KIF6: variants seen among roughly 807,000 people sequenced by gnomAD.
KIF6 encodes kinesin family member 6, also known as kinesin-like protein KIF6.
KIF6 carries 106 observed loss-of-function variants against 112.7 expected under a neutral mutation model. The ratio of observed to expected loss-of-function variants is 0.94; its 90% CI spans 0.80 to 1.11. The LOEUF is 1.11. KIF6 is among the 50% of genes least tolerant of loss of function. The probability of loss-of-function intolerance (pLI) is 0.00; values close to 1 mark genes in which losing one functional copy is unlikely to be tolerated. For missense variants in KIF6, 929 were observed against 964.0 expected (o/e 0.96, Z 0.48); for synonymous variants, 339 against 339.9 (o/e 1.00, Z 0.03).
intron 1 of KIF6, among the ~76,000 whole-genome samples, chr6:39,721,319 C>T (rs1453993560): frequency 2.0e-5 from 3 of 152,144 alleles, no homozygotes; most frequent in African/African-American, 7.2e-5. Flanking sequence ...CATTTTCAGG[C>T]ATTTGATAAG....
chr6:39,507,381 A>G (rs1243325368), intron 13 of KIF6, among the ~76,000 whole-genome samples: 1 of 152,270 alleles, frequency 6.6e-6, no homozygotes, highest in East Asian at 1.9e-4. Flanking sequence ...GGATAGAAGG[A>G]GATGACAAAA....
chr6:39,672,569 A>G (rs56130116), intron 3 of KIF6, among the ~76,000 whole-genome samples: 11,048 of 152,280 alleles, frequency 0.073, 539 homozygotes, highest in South Asian at 0.18. Context: ...CCATAACAAA[A>G]TACCAAAGAC....
chr6:39,700,084 C>A (rs1788793251), intron 3 of KIF6, among the ~76,000 whole-genome samples: 1 of 152,208 alleles, frequency 6.6e-6, no homozygotes, highest in Non-Finnish European at 1.5e-5. Flanking sequence ...CCATGCAATG[C>A]ATAATGATCA....
At chr6:39,565,398 T>G (rs1780228877) in intron 10 of KIF6, among the ~76,000 whole-genome samples, 1 of 152,220 alleles carries the variant, frequency 6.6e-6, no homozygotes, top group African/African-American at 2.4e-5. Flanking sequence ...GTACTGCTGG[T>G]GCTCAATAAT....
intron 13 of KIF6, among the ~76,000 whole-genome samples, chr6:39,480,971 T>G (rs1179104067): frequency 1.3e-5 from 2 of 152,198 alleles, no homozygotes; most frequent in Admixed American, 6.6e-5. Context: ...ATCTTGCAAA[T>G]GGACTATCAA....
intron 14 of KIF6, among the ~76,000 whole-genome samples, chr6:39,429,294 A>T (rs1770973056): frequency 1.3e-5 from 2 of 151,956 alleles, no homozygotes; most frequent in Admixed American, 1.3e-4. Context: ...ACCACCCTCA[A>T]GTCTCTTATT....
intron 6 of KIF6, among the ~76,000 whole-genome samples, chr6:39,610,784 C>T (rs1256532500): frequency 6.6e-6 from 1 of 152,054 alleles, no homozygotes; most frequent in East Asian, 1.9e-4. Flanking sequence ...TTACACTAAG[C>T]AGGCTGTCAT....
At chr6:39,582,943 A>G (rs1437414458) in intron 9 of KIF6, among the ~76,000 whole-genome samples, 1 of 152,204 alleles carries the variant, frequency 6.6e-6, no homozygotes, top group Non-Finnish European at 1.5e-5. Context: ...CCAGGAAACA[A>G]CACTTGTCAA....
At position 39,360,442 on chromosome 6, in the gene KIF6, G is replaced by T. The variant is rs1765040251; in HGVS notation, c.2035C>A (p.Gln679Lys). 1.2e-6 allele frequency: 2 copies of T among 1,614,100 alleles called. No individual in the cohort carries two copies. Among genetic ancestry groups the T allele is most frequent in the African/African-American group, 2.7e-5 (2 of 74,938 alleles). ...LLMDKAKVKL[Q>K]KEFEVWWAEE... ...GCCCACCAGACTTCAAACTCTTTCT[G>T]TAGCTTCACCTTGGCTTTGTCCATG... The change falls in exon 18 of 23, where the codon CAG (glutamine) becomes AAG (lysine). Residue 679 changes from glutamine to lysine, a missense_variant. By Grantham distance (53) the Gln-to-Lys change is moderately conservative. This residue lies in a region of KIF6 where 241 missense variants were observed against 301.4 expected (regional missense o/e 0.80). Coordinates refer to ENST00000287152, the MANE Select transcript of KIF6 (RefSeq NM_145027.6).
intron 3 of KIF6, among the ~76,000 whole-genome samples, chr6:39,705,009 G>A (rs1204813871): frequency 6.6e-6 from 1 of 152,192 alleles, no homozygotes; most frequent in African/African-American, 2.4e-5. Flanking sequence ...GAAATAAGTG[G>A]GAGGTAAATT....
Position 39,725,240 on chromosome 6 carries a change from C to T in KIF6, c.66+5G>A, listed in dbSNP as rs1425006809. The T allele has an allele frequency of 6.2e-7, 1 of 1,608,608 alleles. No homozygotes were observed. Among genetic ancestry groups the T allele is most frequent in the Non-Finnish European group, 8.5e-7 (1 of 1,177,832 alleles). On this transcript the variant is annotated splice_donor_5th_base_variant and intron_variant, in intron 1 of 22. Transcript: ENST00000287152. ...CGCCGGCGCCCCGGAGGCTCCAGCC[C>T]GTACCCCTTGTTGGTGCTTCCGGAC...
rs138566797 is a variant in KIF6, at chr6:39,650,788, G to A, written c.252-11031C>T. On this transcript the variant is annotated intron_variant, in intron 3 of 22. Coordinates refer to ENST00000287152, the MANE Select transcript of KIF6 (RefSeq NM_145027.6). Reference sequence around the variant, plus strand: ...CATAAAATCTGAACTGGTTACTTTGGGTTTCTTTTATAGGGATACAAAAGA... The same window carrying A: ...CATAAAATCTGAACTGGTTACTTTGAGTTTCTTTTATAGGGATACAAAAGA... Among the ~76,000 whole-genome samples, 20 of 151,910 alleles carry A rather than the reference G, an allele frequency of 1.3e-4. No individual in the cohort carries two copies. In the East Asian group the frequency reaches 3.5e-3, roughly 27 times the overall value.
intron 5 of KIF6, chr6:39,617,637 G>A (rs1783591768): frequency 2.2e-6 from 1 of 446,200 alleles, no homozygotes; most frequent in East Asian, 7.0e-5. Flanking sequence ...CTGTCATAAG[G>A]CAATGAAGAG....
At chr6:39,708,214 A>C (rs1447027507) in intron 3 of KIF6, among the ~76,000 whole-genome samples, 1 of 152,186 alleles carries the variant, frequency 6.6e-6, no homozygotes, top group African/African-American at 2.4e-5. Context: ...GCCCCCTGCC[A>C]TGAGAAAATC....
At position 39,497,051 on chromosome 6, in the gene KIF6, G is replaced by C. The variant is rs767337755; in HGVS notation, c.1645+42952C>G. Among the ~76,000 whole-genome samples, 14 of 152,348 alleles carry C rather than the reference G, an allele frequency of 9.2e-5. No individual in the cohort carries two copies. The South Asian group carries it at 2.9e-3, about 32-fold the overall frequency. The stretch of plus-strand genomic sequence containing the variant: ...GCAGGCAGGCTTCAGTGCAGGAGCC[G>C]TGTGGCCATGTGCAGCTCCTCTGTG... On this transcript the variant is annotated intron_variant, in intron 13 of 22. Transcript: ENST00000287152.
chr6:39,356,877 C>G (rs578052556), intron 19 of KIF6, among the ~76,000 whole-genome samples: 2 of 152,142 alleles, frequency 1.3e-5, no homozygotes, highest in Admixed American at 1.3e-4. Flanking sequence ...CTGGCTAGGA[C>G]GAAGAGCTCC....
chr6:39,525,488 C>T (rs912454533), intron 13 of KIF6, among the ~76,000 whole-genome samples: 1 of 152,182 alleles, frequency 6.6e-6, no homozygotes, highest in African/African-American at 2.4e-5. Flanking sequence ...GGTGCAATGG[C>T]TCATGCCTGT....
intron 3 of KIF6, among the ~76,000 whole-genome samples, chr6:39,644,004 TA>T (rs1785038126): frequency 6.6e-6 from 1 of 151,882 alleles, no homozygotes; most frequent in South Asian, 2.1e-4. Context: ...ACAATCTAAT[TA>T]AAAAGCGGGC....
intron 13 of KIF6, among the ~76,000 whole-genome samples, chr6:39,507,491 G>T (rs1445577561): frequency 6.6e-6 from 1 of 152,078 alleles, no homozygotes; most frequent in Non-Finnish European, 1.5e-5. Flanking sequence ...GGAGGCCCTT[G>T]GTGGGCTGTT....
Sources: allele counts gnomAD v4.1 joint callset (sites outside exome capture counted in the v4.1 genomes callset), GRCh38; gene constraint gnomAD v4.1.1; regional missense constraint gnomAD v4.1.1; transcripts MANE v1.5; gene names NCBI Gene and HGNC (gene_info 2026-07-23, HGNC 2026-07-21).